PTPRG: variants seen among roughly 807,000 people sequenced by gnomAD.
The protein encoded by PTPRG is receptor-type tyrosine-protein phosphatase gamma.
Under a neutral mutation model 165.3 loss-of-function variants are expected in PTPRG, and 102 were observed. The ratio of observed to expected loss-of-function variants is 0.62; its 90% CI spans 0.53 to 0.73. The LOEUF (loss-of-function observed/expected upper bound fraction) is 0.73. PTPRG is among the 30% of genes least tolerant of loss of function. The pLI is 0.00. For missense variants in PTPRG, 1,866 were observed against 1,861.4 expected (o/e 1.00, Z -0.05); for synonymous variants, 675 against 669.5 (o/e 1.01, Z -0.13).
In PTPRG at chr3:62,271,492, C is replaced by G. The variant is rs373945707; in HGVS notation, c.3119C>G (p.Thr1040Ser). The G allele has an allele frequency of 6.2e-7, 1 of 1,614,004 alleles. No homozygotes were observed. Among genetic ancestry groups the G allele is most frequent in the Non-Finnish European group, 8.5e-7 (1 of 1,179,888 alleles). The change falls in exon 21 of 30, where the codon ACT (threonine) becomes AGT (serine). Residue 1040 changes from threonine (T) to serine (S), a missense_variant. Thr to Ser is a moderately conservative substitution (Grantham distance 58). Transcript: ENST00000474889. The surrounding 1 kb of genome is among the most constrained non-coding windows in gnomAD (Gnocchi z 4.1). ...GVPEYALPVL[T>S]FVRRSSAARM... ...CCCGAGTATGCCCTTCCAGTACTGA[C>G]TTTCGTGAGGAGATCCTCAGCAGCT...
At chr3:61,596,977 G>A (rs1401710259) in intron 1 of PTPRG, among the ~76,000 whole-genome samples, 1 of 152,070 alleles carries the variant, frequency 6.6e-6, no homozygotes, top group Non-Finnish European at 1.5e-5. Flanking sequence ...TATTAGTGCA[G>A]GCTTTTGGAG....
intron 2 of PTPRG, among the ~76,000 whole-genome samples, chr3:61,838,283 C>T (rs759417518): frequency 2.0e-5 from 3 of 152,172 alleles, no homozygotes; most frequent in African/African-American, 7.2e-5. Context: ...GTTGAAGAAT[C>T]GTTTTTGGTT....
intron 1 of PTPRG, among the ~76,000 whole-genome samples, chr3:61,712,507 T>C (rs1318385641): frequency 6.6e-6 from 1 of 151,608 alleles, no homozygotes; most frequent in African/African-American, 2.4e-5. Context: ...ACGGGGGAGG[T>C]TTCCCTCATG....
intron 2 of PTPRG, among the ~76,000 whole-genome samples, chr3:61,934,506 G>A (rs2039437985): frequency 6.6e-6 from 1 of 151,900 alleles, no homozygotes; most frequent in South Asian, 2.1e-4. Context: ...AGCAATTTAG[G>A]GCTGATCTGG....
chr3:61,706,955 A>G (rs2031295229), intron 1 of PTPRG, among the ~76,000 whole-genome samples: 1 of 152,192 alleles, frequency 6.6e-6, no homozygotes, highest in South Asian at 2.1e-4. Context: ...GCATTTACAT[A>G]TGGGGAAATA....
At chr3:61,641,431 T>C (rs1397972276) in intron 1 of PTPRG, among the ~76,000 whole-genome samples, 1 of 152,228 alleles carries the variant, frequency 6.6e-6, no homozygotes, top group African/African-American at 2.4e-5. Flanking sequence ...TGTTAAGCAA[T>C]AATTATTTTT....
chr3:62,108,544 C>T (rs555826547), intron 5 of PTPRG, among the ~76,000 whole-genome samples: 457 of 152,200 alleles, frequency 3.0e-3, no homozygotes, highest in Non-Finnish European at 4.8e-3. Context: ...ATTTATAATC[C>T]TTTGAGTATA....
chr3:61,568,696 T>A (rs1317524332), intron 1 of PTPRG, among the ~76,000 whole-genome samples: 1 of 151,752 alleles, frequency 6.6e-6, no homozygotes, highest in Non-Finnish European at 1.5e-5. Context: ...GAACATGAGG[T>A]CAAGAGATTG....
intron 6 of PTPRG, among the ~76,000 whole-genome samples, chr3:62,152,811 A>G (rs1024625220): frequency 6.6e-6 from 1 of 152,168 alleles, no homozygotes; most frequent in Non-Finnish European, 1.5e-5. Context: ...TGTCAAGGTG[A>G]CTTTCTGATA....
chr3:61,815,162 C>T (rs545026530), intron 2 of PTPRG, among the ~76,000 whole-genome samples: 350 of 150,484 alleles, frequency 2.3e-3, no homozygotes, highest in Non-Finnish European at 4.1e-3. Flanking sequence ...TTTGGGAGGC[C>T]GAGGTGGGTG....
chr3:61,702,330 C>T (rs974938652), intron 1 of PTPRG, among the ~76,000 whole-genome samples: 4 of 152,174 alleles, frequency 2.6e-5, no homozygotes, highest in Admixed American at 6.5e-5. Context: ...TTTACCCATC[C>T]TTACCTTTTA....
At chr3:61,663,384 G>C (rs1327169793) in intron 1 of PTPRG, among the ~76,000 whole-genome samples, 1 of 152,172 alleles carries the variant, frequency 6.6e-6, no homozygotes, top group Non-Finnish European at 1.5e-5. Flanking sequence ...ATTTTGAGCA[G>C]ATGATACAAT....
chr3:62,008,437 T>C (rs761428486), intron 4 of PTPRG, among the ~76,000 whole-genome samples: 7 of 152,240 alleles, frequency 4.6e-5, no homozygotes, highest in Non-Finnish European at 1.0e-4. Context: ...CTGGTAAAAG[T>C]CACAGCTGGT....
rs544334909 is a variant in PTPRG at position 62,051,851 on chromosome 3, G to C, written c.520-26312G>C. On this transcript the variant is annotated intron_variant, in intron 4 of 29. Transcript: ENST00000474889. ...TGGCAGGTATTCAATGGAAAGAATG[G>C]GAATACCAGTGTACACAGAAATTCA... Among the ~76,000 whole-genome samples the C allele has an allele frequency of 3.3e-5, 5 of 152,234 alleles. No individual in the cohort carries two copies. In the East Asian group the frequency reaches 7.7e-4, roughly 24 times the overall value.
At chr3:62,281,538 C>CTTTTTTTATTTTTTTTTTTTTTTTTT (rs1702442339) in intron 26 of PTPRG, 25 bp from the exon 27 acceptor site, 1 of 497,854 alleles carries the variant, frequency 2.0e-6, no homozygotes, top group Non-Finnish European at 2.6e-6. Context: ...ACTGCAGAGG[C>CTTTTTTTATTTTTTTTTTTTTTTTTT]TTTTTTTTTT....
chr3:61,614,691 C>T (rs57929835), intron 1 of PTPRG, among the ~76,000 whole-genome samples: 4,523 of 152,182 alleles, frequency 0.03, 226 homozygotes, highest in African/African-American at 0.1. Context: ...GGATTACAGG[C>T]GTGAGCCACT....
At position 61,704,486 on chromosome 3, in the gene PTPRG, G is replaced by C. The variant is rs114076124; in HGVS notation, c.86-44392G>C. Among the ~76,000 whole-genome samples, 597 of 152,226 alleles carry C rather than the reference G, an allele frequency of 3.9e-3. 6 individuals are homozygous for C. The highest frequency in any genetic ancestry group is 0.014 in the African/African-American group (569 of 41,518). ...GAAAAACAAATACAAATTTGTGTCA[G>C]TTTGGCCTCTGTTCACTAGATAGCT... is the stretch of plus-strand genomic sequence containing the variant. On this transcript the variant is annotated intron_variant, in intron 1 of 29. Transcript: ENST00000474889.
intron 1 of PTPRG, among the ~76,000 whole-genome samples, chr3:61,694,394 A>G (rs765361259): frequency 1.6e-4 from 25 of 152,336 alleles, no homozygotes; most frequent in Non-Finnish European, 2.2e-4. Flanking sequence ...AAAATGTTTG[A>G]TAAAATACCA....
At chr3:62,071,153 A>G (rs913953541) in intron 4 of PTPRG, among the ~76,000 whole-genome samples, 5 of 151,994 alleles carry the variant, frequency 3.3e-5, no homozygotes, top group African/African-American at 9.7e-5. Flanking sequence ...GGAAATGTCT[A>G]TTGAGTCGTT....
Sources: allele counts gnomAD v4.1 joint callset (sites outside exome capture counted in the v4.1 genomes callset), GRCh38; gene constraint gnomAD v4.1.1; non-coding constraint Gnocchi (gnomAD v3.1); transcripts MANE v1.5; gene names NCBI Gene and HGNC (gene_info 2026-07-23, HGNC 2026-07-21).